The following TEKT5 variants were observed in gnomAD, a reference collection of about 807,000 sequenced individuals.
TEKT5 encodes the protein tektin 5.
Under a neutral mutation model 48.7 loss-of-function variants are expected in TEKT5, and 52 were observed. That is an observed-to-expected ratio of 1.07 (90% confidence interval 0.86 to 1.35). TEKT5 has a LOEUF of 1.35. Among genes scored for constraint, TEKT5 ranks in the 40% most tolerant of loss-of-function variants. The probability of loss-of-function intolerance (pLI) is 0.00; values close to 1 mark genes in which losing one functional copy is unlikely to be tolerated. For missense variants in TEKT5, 831 were observed against 641.6 expected, an observed-to-expected ratio of 1.30 and a Z score of -3.19; for synonymous variants, 318 against 267.6, an observed-to-expected ratio of 1.19 and a Z score of -1.84.
chr16:10,643,312 G>C (rs1166393335), intron 5 of TEKT5, among the ~76,000 whole-genome samples: 1 of 152,018 alleles, frequency 6.6e-6, no homozygotes, highest in East Asian at 1.9e-4. Flanking sequence ...CTATGAGTTT[G>C]AGGCTCTAGT....
chr16:10,631,446 G>A (rs1322116347), intron 6 of TEKT5, among the ~76,000 whole-genome samples: 1 of 151,976 alleles, frequency 6.6e-6, no homozygotes, highest in African/African-American at 2.4e-5. Context: ...TTGGAAGGGG[G>A]CAAGAGTAGA....
intron 5 of TEKT5, among the ~76,000 whole-genome samples, chr16:10,672,188 T>G (rs539405799): frequency 6.6e-6 from 1 of 151,710 alleles, no homozygotes; most frequent in Admixed American, 6.6e-5. Flanking sequence ...TTTACCATAA[T>G]AAAAATGGGT....
chr16:10,658,821 A>C (rs939031289), intron 5 of TEKT5, among the ~76,000 whole-genome samples: 1 of 151,858 alleles, frequency 6.6e-6, no homozygotes, highest in Non-Finnish European at 1.5e-5. Context: ...GGGTTCAAGC[A>C]ATTCTCGTAC....
intron 5 of TEKT5, among the ~76,000 whole-genome samples, chr16:10,649,460 C>G (rs1898119861): frequency 6.6e-6 from 1 of 150,560 alleles, no homozygotes; most frequent in Non-Finnish European, 1.5e-5. Flanking sequence ...CTTTTTAACA[C>G]AGGTTCTCTG....
At chr16:10,663,451 C>T (rs2142288950) in intron 5 of TEKT5, among the ~76,000 whole-genome samples, 1 of 152,308 alleles carries the variant, frequency 6.6e-6, no homozygotes, top group Non-Finnish European at 1.5e-5. Context: ...CAAGGAGATG[C>T]TTGGCTCAGT....
intron 5 of TEKT5, among the ~76,000 whole-genome samples, chr16:10,655,289 G>A (rs1404047954): frequency 6.6e-6 from 1 of 152,098 alleles, no homozygotes; most frequent in East Asian, 1.9e-4. Flanking sequence ...TAAACGGAGG[G>A]AGTGTAGTCC....
At chr16:10,646,227 G>A (rs934655687) in intron 5 of TEKT5, among the ~76,000 whole-genome samples, 1 of 152,108 alleles carries the variant, frequency 6.6e-6, no homozygotes, top group South Asian at 2.1e-4. Flanking sequence ...ACTTATGGTA[G>A]TAGCTCAATA....
At chr16:10,633,547 A>C (rs1395797814) in intron 6 of TEKT5, among the ~76,000 whole-genome samples, 3 of 152,020 alleles carry the variant, frequency 2.0e-5, no homozygotes, top group African/African-American at 7.3e-5. Flanking sequence ...AAGACCTAGC[A>C]AGCCAGCAGC....
intron 1 of TEKT5, chr16:10,692,973 C>A (rs1899007979): frequency 6.6e-6 from 1 of 152,208 alleles, no homozygotes; most frequent in Admixed American, 6.5e-5. Flanking sequence ...GGCTAAACCA[C>A]TATCGTGGAG....
intron 5 of TEKT5, among the ~76,000 whole-genome samples, chr16:10,652,860 CA>C (rs1898190650): frequency 6.7e-6 from 1 of 148,440 alleles, no homozygotes; most frequent in Non-Finnish European, 1.5e-5. Context: ...CACACACACA[CA>C]CACACACACC....
intron 5 of TEKT5, 37 bp downstream of exon 5, chr16:10,675,922 G>C: frequency 6.2e-7 from 1 of 1,600,150 alleles, no homozygotes; most frequent in Non-Finnish European, 8.6e-7. Flanking sequence ...GTGAGGGCTT[G>C]GCAGAGAAGG....
intron 3 of TEKT5, among the ~76,000 whole-genome samples, chr16:10,685,618 C>G (rs930504392): frequency 2.0e-5 from 3 of 152,074 alleles, no homozygotes; most frequent in African/African-American, 7.2e-5. Context: ...TTCTCCATAT[C>G]TGTCTCTCTC....
At position 10,671,162 on chromosome 16, in the gene TEKT5, C is replaced by A. The variant is rs143035926; in HGVS notation, c.1086+4797G>T. Among the ~76,000 whole-genome samples the A allele has an allele frequency of 4.4e-3, 669 of 152,230 alleles. 15 individuals carry two copies. The highest frequency in any genetic ancestry group is 4.2e-3 in the Non-Finnish European group (289 of 68,024). Reference sequence around the variant, plus strand: ...TTGTCAAGCACTGTTTTAAGAGCTCCAGAGATTACCTCATTAATACAGTAA... The same window carrying A: ...TTGTCAAGCACTGTTTTAAGAGCTCAAGAGATTACCTCATTAATACAGTAA... On this transcript the variant is annotated intron_variant, in intron 5 of 6. Transcript: ENST00000283025.
chr16:10,644,290 G>A lies in TEKT5; in HGVS notation c.1087-8372C>T, dbSNP rs183628266. ...TCCCATTGCACATATGAAGTCAACTGAGGCCCAGAGAGGAGCTGTAAACAG... is the reference window on the plus strand; with the variant it reads ...TCCCATTGCACATATGAAGTCAACTAAGGCCCAGAGAGGAGCTGTAAACAG... On this transcript the variant is annotated intron_variant, in intron 5 of 6. Transcript: ENST00000283025. Among the ~76,000 whole-genome samples, 316 of 152,302 alleles carry A rather than the reference G, an allele frequency of 2.1e-3. 1 individual carries two copies. The highest frequency in any genetic ancestry group is 7.1e-3 in the African/African-American group (293 of 41,556).
chr16:10,650,396 C>T lies in TEKT5; in HGVS notation c.1087-14478G>A, dbSNP rs192636098. On this transcript the variant is annotated intron_variant, in intron 5 of 6. Coordinates refer to ENST00000283025, the MANE Select transcript of TEKT5 (RefSeq NM_144674.2). ...GATTACAGGGGTGAGCCACTGTGCC[C>T]GGTCCCCCTCCCATATCTTTACGGG... is the stretch of plus-strand genomic sequence containing the variant. Among the ~76,000 whole-genome samples, 1,114 of 152,018 alleles carry T rather than the reference C, an allele frequency of 7.3e-3. 21 individuals carry two copies. Among genetic ancestry groups the T allele is most frequent in the African/African-American group, 0.022 (925 of 41,478 alleles).
intron 5 of TEKT5, among the ~76,000 whole-genome samples, chr16:10,650,508 C>T (rs1898137797): frequency 6.6e-6 from 1 of 152,128 alleles, no homozygotes. Context: ...TGGGTGTGCA[C>T]TCTGCCAAAA....
At chr16:10,681,715 G>C (rs779880573) in intron 4 of TEKT5, among the ~76,000 whole-genome samples, 2 of 151,896 alleles carry the variant, frequency 1.3e-5, no homozygotes, top group African/African-American at 2.4e-5. Flanking sequence ...AGGATGGAAA[G>C]ATGAAGGCGC....
At chr16:10,675,072 C>A (rs569518336) in intron 5 of TEKT5, among the ~76,000 whole-genome samples, 5 of 152,072 alleles carry the variant, frequency 3.3e-5, no homozygotes, top group Non-Finnish European at 7.4e-5. Context: ...ATGATCTGCC[C>A]GCCTCAGCCT....
At chr16:10,653,522 G>A (rs1165290072) in intron 5 of TEKT5, among the ~76,000 whole-genome samples, 1 of 152,216 alleles carries the variant, frequency 6.6e-6, no homozygotes, top group Non-Finnish European at 1.5e-5. Flanking sequence ...ACCTCTCTGT[G>A]CCTCATGCAA....
Sources: allele counts gnomAD v4.1 joint callset (sites outside exome capture counted in the v4.1 genomes callset), GRCh38; gene constraint gnomAD v4.1.1; transcripts MANE v1.5; gene names NCBI Gene and HGNC (gene_info 2026-07-23, HGNC 2026-07-21).